PRSS23: variants seen among roughly 807,000 people sequenced by gnomAD.
The protein encoded by PRSS23 is serine protease 23.
In PRSS23, 25 loss-of-function variants were observed where a neutral mutation model predicts 34.7. The ratio of observed to expected loss-of-function variants is 0.72; its 90% confidence interval spans 0.53 to 1.01. PRSS23 has a LOEUF of 1.01. PRSS23 is among the 50% of genes least tolerant of loss of function. PRSS23 has a pLI of 0.00. For missense variants in PRSS23, 445 were observed against 475.6 expected (o/e 0.94, Z 0.60); for synonymous variants, 176 against 186.6 (o/e 0.94, Z 0.46).
chr11:86,840,880 A>ATGGCAGAAGTGAAGATGTTCTTT (rs149533671), intron 2 of PRSS23, among the ~76,000 whole-genome samples: 28,929 of 151,780 alleles, frequency 0.19, 3,076 homozygotes, highest in East Asian at 0.46. Context: ...TAGCAAAATG[A>ATGGCAGAAGTGAAGATGTTCTTT]TGGCAGAAGT....
At chr11:86,909,745 G>A (rs1380671693) in intron 2 of PRSS23, 1 of 152,214 alleles carries the variant, frequency 6.6e-6, no homozygotes, top group Non-Finnish European at 1.5e-5. Context: ...CCCTTTCTAA[G>A]CAAAAGTTTA....
At chr11:86,880,593 C>T (rs1441170006) in intron 2 of PRSS23, among the ~76,000 whole-genome samples, 2 of 152,072 alleles carry the variant, frequency 1.3e-5, no homozygotes, top group Non-Finnish European at 2.9e-5. Flanking sequence ...ATTAACCCAT[C>T]ATCTAGGTTT....
intron 2 of PRSS23, among the ~76,000 whole-genome samples, chr11:86,826,421 A>T (rs1948301342): frequency 6.6e-6 from 1 of 152,308 alleles, no homozygotes; most frequent in East Asian, 1.9e-4. Context: ...CTAGATATAC[A>T]ATCATGTCAT....
At chr11:86,819,793 A>C (rs190608134) in intron 1 of PRSS23, among the ~76,000 whole-genome samples, 75 of 152,260 alleles carry the variant, frequency 4.9e-4, no homozygotes, top group Admixed American at 2.5e-3. Flanking sequence ...TTTCACAATA[A>C]CTCTTTTAAA....
intron 2 of PRSS23, among the ~76,000 whole-genome samples, chr11:86,943,888 C>T (rs1850574202): frequency 1.3e-5 from 2 of 151,774 alleles, no homozygotes; most frequent in South Asian, 2.1e-4. Flanking sequence ...GGACTACAGG[C>T]GCGTGTCACA....
At chr11:86,824,473 TA>T (rs1948283033) in intron 2 of PRSS23, among the ~76,000 whole-genome samples, 1 of 151,128 alleles carries the variant, frequency 6.6e-6, no homozygotes, top group African/African-American at 2.4e-5. Flanking sequence ...TTTTTTTTTT[TA>T]AATTTTATTT....
chr11:86,937,558 C>T (rs1949172865), intron 2 of PRSS23: 1 of 152,154 alleles, frequency 6.6e-6, no homozygotes, highest in Non-Finnish European at 1.5e-5. Flanking sequence ...AGCTGAAGCC[C>T]ACCAAAACCA....
intron 2 of PRSS23, chr11:86,909,829 G>A (rs1018531648): frequency 2.6e-5 from 4 of 152,118 alleles, no homozygotes; most frequent in African/African-American, 4.8e-5. Flanking sequence ...CTTTACCCTC[G>A]TCAACCACTG....
At chr11:86,834,000 A>G (rs921391816) in intron 2 of PRSS23, among the ~76,000 whole-genome samples, 11 of 152,188 alleles carry the variant, frequency 7.2e-5, no homozygotes, top group African/African-American at 2.7e-4. Context: ...GGTAGATCTT[A>G]GTCATGGACT....
At chr11:86,859,218 C>T (rs940080136) in intron 2 of PRSS23, among the ~76,000 whole-genome samples, 7 of 151,604 alleles carry the variant, frequency 4.6e-5, no homozygotes, top group Non-Finnish European at 1.0e-4. Flanking sequence ...TGATATTACT[C>T]ACAATATCAG....
chr11:86,862,908 G>A (rs1314171136), intron 2 of PRSS23, among the ~76,000 whole-genome samples: 4 of 151,918 alleles, frequency 2.6e-5, no homozygotes, highest in African/African-American at 9.7e-5. Context: ...TAATGTCACA[G>A]AAGGTGTACA....
At position 86,950,987 on chromosome 11, in the gene PRSS23, G is replaced by A. The variant is rs1049305053; in HGVS notation, c.207-229G>A. On this transcript the variant is annotated intron_variant, in intron 2 of 2. Coordinates refer to the PRSS23 transcript ENST00000533902. Reference sequence around the variant, plus strand: ...CAAAATCATTGGTTTTTTGATGCTGGGGTCGGGGTGGGAGGCAGTGGGTTG... The same window carrying A: ...CAAAATCATTGGTTTTTTGATGCTGAGGTCGGGGTGGGAGGCAGTGGGTTG... The A allele has an allele frequency of 2.7e-5, 21 of 770,092 alleles. No homozygotes were observed. The African/African-American group carries it at 3.4e-4, about 13-fold the overall frequency. The allele number at this position is 770,092 out of a possible 1,614,324, so 47.7% of individuals were successfully genotyped here.
At chr11:86,924,450 G>C (rs1000830468) in intron 2 of PRSS23, among the ~76,000 whole-genome samples, 6 of 152,120 alleles carry the variant, frequency 3.9e-5, no homozygotes, top group Non-Finnish European at 5.9e-5. Flanking sequence ...TGGAGACCTG[G>C]GACCAAGAAG....
intron 2 of PRSS23, among the ~76,000 whole-genome samples, chr11:86,888,109 G>T (rs1364613420): frequency 1.6e-4 from 19 of 119,886 alleles, no homozygotes; most frequent in South Asian, 2.9e-4. Context: ...CATCAAGTTG[G>T]TTTTTTTTAA....
intron 1 of PRSS23, among the ~76,000 whole-genome samples, chr11:86,802,047 A>G (rs1215206077): frequency 1.3e-5 from 2 of 152,206 alleles, no homozygotes; most frequent in Non-Finnish European, 2.9e-5. Context: ...ATAAGTGTCC[A>G]TTAATGCATC....
chr11:86,834,565 TTCCTTTCC>T (rs1948389632), intron 2 of PRSS23, among the ~76,000 whole-genome samples: 1 of 113,254 alleles, frequency 8.8e-6, no homozygotes, highest in African/African-American at 4.0e-5. Flanking sequence ...TTCCTTTCCT[TTCCTTTCC>T]TTTCCTTTCC....
At chr11:86,879,854 C>T (rs1948760360) in intron 2 of PRSS23, among the ~76,000 whole-genome samples, 1 of 144,628 alleles carries the variant, frequency 6.9e-6, no homozygotes, top group African/African-American at 2.5e-5. Flanking sequence ...GCCAGCCGCC[C>T]CGTCCGGGAG....
Position 86,879,756 on chromosome 11 carries a change from C to G in PRSS23, c.206+56163C>G, listed in dbSNP as rs1232591777. On this transcript the variant is annotated intron_variant, in intron 2 of 2. Transcript: ENST00000533902. Reference sequence around the variant, plus strand: ...CAGCCCCCCGCCCGGCCAGCCGCCCCGTCCGGGAGGGAGGTGGGGGGGTCA... The same window carrying G: ...CAGCCCCCCGCCCGGCCAGCCGCCCGGTCCGGGAGGGAGGTGGGGGGGTCA... Among the ~76,000 whole-genome samples, 6 of 124,732 alleles carry G rather than the reference C, an allele frequency of 4.8e-5. 1 individual carries two copies. Among genetic ancestry groups the G allele is most frequent in the Middle Eastern group, 8.6e-3 (2 of 232 alleles). 81.8% of individuals were successfully genotyped at this position (124,732 alleles called of 152,430 possible).
intron 2 of PRSS23, among the ~76,000 whole-genome samples, chr11:86,832,126 T>A (rs1479617277): frequency 8.5e-5 from 13 of 152,106 alleles, no homozygotes; most frequent in Admixed American, 7.2e-4. Context: ...GGGGATGTTG[T>A]TAATATTACT....
Sources: allele counts gnomAD v4.1 joint callset (sites outside exome capture counted in the v4.1 genomes callset), GRCh38; gene constraint gnomAD v4.1.1; transcripts MANE v1.5; gene names NCBI Gene and HGNC (gene_info 2026-07-23, HGNC 2026-07-21).